The following DCAF7 variants were observed in gnomAD, a reference collection of about 807,000 sequenced individuals.
The protein encoded by DCAF7 is DDB1- and CUL4-associated factor 7.
In DCAF7, 4 loss-of-function variants were observed where a neutral mutation model predicts 41.2. The ratio of observed to expected loss-of-function variants is 0.10; its 90% CI spans 0.05 to 0.22. DCAF7 has a LOEUF of 0.22. DCAF7 is among the 10% of genes least tolerant of loss of function. DCAF7 has a pLI of 1.00. For missense variants in DCAF7, 131 were observed against 443.2 expected (o/e 0.30, Z 6.32); for synonymous variants, 143 against 164.2 (o/e 0.87, Z 0.99).
chr17:63,579,887 C>A lies in DCAF7; in HGVS notation c.472C>A (p.Arg158=), dbSNP rs2033601885. 1 of 1,613,722 alleles carries A rather than the reference C, an allele frequency of 6.2e-7. No homozygotes were observed. Among genetic ancestry groups the A allele is most frequent in the African/African-American group, 1.3e-5 (1 of 74,900 alleles). Reference sequence around the variant, plus strand: ...GCTGGAGACAGGGCAGGTGTTAGGGCGAGTGAATCTCGTGTCTGGCCACGT... The same window carrying A: ...GCTGGAGACAGGGCAGGTGTTAGGGAGAGTGAATCTCGTGTCTGGCCACGT... ...WGLETGQVLG[R]VNLVSGHVKT... Residue 158 remains arginine, a synonymous_variant, in exon 4 of 7, where the codon CGA becomes AGA. Coordinates refer to ENST00000614556, the MANE Select transcript of DCAF7 (RefSeq NM_005828.5).
At chr17:63,559,345 A>ATGTATG (rs2033346508) in intron 1 of DCAF7, among the ~76,000 whole-genome samples, 3 of 134,322 alleles carry the variant, frequency 2.2e-5, no homozygotes, top group African/African-American at 9.1e-5. Context: ...ATACATATAT[A>ATGTATG]TACGTATATA....
Position 63,585,341 on chromosome 17 carries a change from G to C in DCAF7, c.856+13G>C. ...ATCTGCACTGCAGGTAATCATGGTGGGGAGAAAGAAATCTGGGAAGGATGG... is the reference window on the plus strand; with the variant it reads ...ATCTGCACTGCAGGTAATCATGGTGCGGAGAAAGAAATCTGGGAAGGATGG... On this transcript the variant is annotated intron_variant, in intron 6 of 6. Coordinates refer to ENST00000614556, the MANE Select transcript of DCAF7 (RefSeq NM_005828.5). 6.2e-7 allele frequency: 1 copy of C among 1,606,178 alleles called. No individual in the cohort carries two copies. Among genetic ancestry groups the C allele is most frequent in the East Asian group, 2.2e-5 (1 of 44,800 alleles).
chr17:63,569,681 A>G (rs1354617630), intron 1 of DCAF7, among the ~76,000 whole-genome samples: 4 of 152,038 alleles, frequency 2.6e-5, no homozygotes, highest in African/African-American at 9.7e-5. Context: ...GTACCTTTTT[A>G]TTTTTAAATA....
In DCAF7 at chr17:63,583,701, A is replaced by G; in HGVS notation, c.728A>G (p.Asp243Gly). ...AACTACCTGGCCACCATGGCCATGG[A>G]TGGAATGGAGGTGAGCACTCCTCTC... is the stretch of plus-strand genomic sequence containing the variant. ...DPNYLATMAM[D>G]GMEVVILDVR... Residue 243 changes from aspartate (D) to glycine (G), a missense_variant, in exon 5 of 7, where the codon GAT (aspartate) becomes GGT (glycine). Transcript: ENST00000614556. 2 of 1,613,878 alleles carry G rather than the reference A, an allele frequency of 1.2e-6. No individual in the cohort carries two copies. The highest frequency in any genetic ancestry group is 1.7e-6 in the Non-Finnish European group (2 of 1,179,858).
At chr17:63,578,235 A>C (rs1329036332) in intron 1 of DCAF7, among the ~76,000 whole-genome samples, 1 of 152,138 alleles carries the variant, frequency 6.6e-6, no homozygotes, top group Non-Finnish European at 1.5e-5. Context: ...CTGGTGGTGC[A>C]TGCCTCTAAC....
At chr17:63,558,911 A>T (rs1327211803) in intron 1 of DCAF7, among the ~76,000 whole-genome samples, 1 of 152,236 alleles carries the variant, frequency 6.6e-6, no homozygotes, top group African/African-American at 2.4e-5. Flanking sequence ...TATAATAAAT[A>T]AGATCGTTTG....
chr17:63,590,811 T>A lies in DCAF7; in HGVS notation c.*1639T>A, dbSNP rs1415369715. On this transcript the variant is annotated 3_prime_UTR_variant, in exon 7 of 7. Coordinates refer to ENST00000614556, the MANE Select transcript of DCAF7 (RefSeq NM_005828.5). ...TGCTTGAGAAGTAAAACAGTAACTTTGTTCTTCTGGGCCCTTAAGCTTTTT... is the reference window on the plus strand; with the variant it reads ...TGCTTGAGAAGTAAAACAGTAACTTAGTTCTTCTGGGCCCTTAAGCTTTTT... 1 of 152,378 alleles carries A rather than the reference T, an allele frequency of 6.6e-6. No homozygotes were observed. The highest frequency in any genetic ancestry group is 2.1e-4 in the South Asian group (1 of 4,830). 9.4% of individuals were successfully genotyped at this position (152,378 alleles called of 1,614,324 possible).
At chr17:63,561,822 A>AT (rs1050220655) in intron 1 of DCAF7, among the ~76,000 whole-genome samples, 5 of 152,138 alleles carry the variant, frequency 3.3e-5, no homozygotes, top group South Asian at 4.1e-4. Flanking sequence ...TAGAAAAAAA[A>AT]TTTTTTTAAG....
intron 4 of DCAF7, among the ~76,000 whole-genome samples, chr17:63,582,712 G>A (rs1018253071): frequency 2.0e-5 from 3 of 151,924 alleles, no homozygotes; most frequent in African/African-American, 7.3e-5. Context: ...CTTGTGATCC[G>A]CCCGCCTCAG....
In DCAF7 at chr17:63,592,574, T is replaced by G. The variant is rs1237687768; in HGVS notation, c.*3402T>G. 1 of 152,140 alleles carries G rather than the reference T, an allele frequency of 6.6e-6. No individual in the cohort carries two copies. Among genetic ancestry groups the G allele is most frequent in the Non-Finnish European group, 1.5e-5 (1 of 68,038 alleles). The allele number at this position is 152,140 out of a possible 1,614,324, so 9.4% of individuals were successfully genotyped here. On this transcript the variant is annotated 3_prime_UTR_variant, in exon 7 of 7. Coordinates refer to ENST00000614556, the MANE Select transcript of DCAF7 (RefSeq NM_005828.5). ...GGAGATGTAGGATGCAGGAGAAAAT[T>G]AAAGTGTTTTCTTTATATCAGAGGA...
chr17:63,590,161 G>T lies in DCAF7; in HGVS notation c.*989G>T, dbSNP rs1163044595. On this transcript the variant is annotated 3_prime_UTR_variant, in exon 7 of 7. Coordinates refer to ENST00000614556, the MANE Select transcript of DCAF7 (RefSeq NM_005828.5). ...CCACTTAGTGTCTTTTCAATGATAGGCAAGAATGATATCTGAGTTGAACTT... is the reference window on the plus strand; with the variant it reads ...CCACTTAGTGTCTTTTCAATGATAGTCAAGAATGATATCTGAGTTGAACTT... 1 of 152,560 alleles carries T rather than the reference G, an allele frequency of 6.6e-6. No individual in the cohort carries two copies. The highest frequency in any genetic ancestry group is 2.4e-5 in the African/African-American group (1 of 41,422). The allele number at this position is 152,560 out of a possible 1,614,324, so 9.5% of individuals were successfully genotyped here. A position where few individuals can be genotyped will look rare whatever the true frequency, so the allele number is the denominator to read the frequency against.
At chr17:63,574,768 T>G (rs2033543530) in intron 1 of DCAF7, among the ~76,000 whole-genome samples, 1 of 151,032 alleles carries the variant, frequency 6.6e-6, no homozygotes, top group African/African-American at 2.4e-5. Flanking sequence ...AGCCCAGGAG[T>G]TCAAGACCAG....
chr17:63,592,690 G>A lies in DCAF7; in HGVS notation c.*3518G>A, dbSNP rs1374997435. On this transcript the variant is annotated 3_prime_UTR_variant, in exon 7 of 7. Coordinates refer to ENST00000614556, the MANE Select transcript of DCAF7 (RefSeq NM_005828.5). ...TGGAGTGAGACTGCCCTTAGCCTGG[G>A]TCAGCCTTCCTGGGCCATAAATTGG... 6.6e-6 allele frequency: 1 copy of A among 152,148 alleles called. No individual in the cohort carries two copies. Among genetic ancestry groups the A allele is most frequent in the African/African-American group, 2.4e-5 (1 of 41,408 alleles). 9.4% of individuals were successfully genotyped at this position (152,148 alleles called of 1,614,324 possible).
rs1439333143 is a variant in DCAF7 at position 63,589,010 on chromosome 17, C to T, written c.867C>T (p.His289=). ...SCHICTAADD[H]QALIWDIQQM... Reference sequence around the variant, plus strand: ...TTTCTTTGTCCCTAGCGGATGACCACCAGGCTCTCATCTGGGACATCCAGC... The same window carrying T: ...TTTCTTTGTCCCTAGCGGATGACCATCAGGCTCTCATCTGGGACATCCAGC... Residue 289 remains histidine, a synonymous_variant, in exon 7 of 7, where the codon CAC becomes CAT. Transcript: ENST00000614556. 2 of 1,611,764 alleles carry T rather than the reference C, an allele frequency of 1.2e-6. 1 individual carries two copies. The highest frequency in any genetic ancestry group is 2.2e-5 in the South Asian group (2 of 90,960).
chr17:63,557,979 T>C (rs995206530), intron 1 of DCAF7, among the ~76,000 whole-genome samples: 1 of 152,146 alleles, frequency 6.6e-6, no homozygotes, highest in East Asian at 1.9e-4. Context: ...CACTGCACTC[T>C]TGACCTCCTA....
intron 1 of DCAF7, among the ~76,000 whole-genome samples, chr17:63,553,209 G>A (rs2033275807): frequency 1.3e-5 from 2 of 152,126 alleles, no homozygotes; most frequent in Admixed American, 1.3e-4. Context: ...AATTATTAAT[G>A]TAATTTTGAA....
chr17:63,575,031 A>G (rs977147312), intron 1 of DCAF7, among the ~76,000 whole-genome samples: 3 of 152,154 alleles, frequency 2.0e-5, no homozygotes, highest in Non-Finnish European at 4.4e-5. Flanking sequence ...AAATCAAGTT[A>G]ATGGGCCAGG....
At chr17:63,568,900 C>A (rs1219584249) in intron 1 of DCAF7, among the ~76,000 whole-genome samples, 2 of 152,230 alleles carry the variant, frequency 1.3e-5, no homozygotes, top group African/African-American at 4.8e-5. Flanking sequence ...GTGGCCCTTT[C>A]CTGCCTTTTG....
chr17:63,579,561 C>T (rs1205989459), intron 3 of DCAF7, 113 bp downstream of exon 3: 8 of 777,612 alleles, frequency 1.0e-5, no homozygotes, highest in African/African-American at 1.8e-5. Context: ...GTAGGCTAGG[C>T]GTGGAATGTG....
Sources: allele counts gnomAD v4.1 joint callset (sites outside exome capture counted in the v4.1 genomes callset), GRCh38; gene constraint gnomAD v4.1.1; transcripts MANE v1.5; gene names NCBI Gene and HGNC (gene_info 2026-07-23, HGNC 2026-07-21).